The following TDRKH variants were observed in gnomAD, a reference collection of about 807,000 sequenced individuals.
TDRKH encodes tudor and KH domain containing.
A neutral mutation model predicts 61.3 loss-of-function variants in TDRKH; 28 were observed. The observed-to-expected ratio is 0.46, with a 90% CI of 0.34 to 0.63. The LOEUF (loss-of-function observed/expected upper bound fraction) is 0.63. Ranked by LOEUF, TDRKH falls within the 20% of genes least tolerant of loss-of-function variation. TDRKH has a pLI of 0.01. For missense variants in TDRKH, 540 were observed against 683.4 expected (o/e 0.79, Z 2.34); for synonymous variants, 219 against 244.4 (o/e 0.90, Z 0.97).
At chr1:151,770,718 G>C (rs1180101528), downstream of TDRKH, among the ~76,000 whole-genome samples, 1 of 152,208 alleles carries the variant, frequency 6.6e-6, no homozygotes, top group East Asian at 1.9e-4. Context: ...ATAAGTGATA[G>C]ATACTATTTC....
rs763407329 is a variant in TDRKH, at chr1:151,773,608, A to T, written c.*844T>A. On this transcript the variant is annotated 3_prime_UTR_variant, in exon 13 of 13. Coordinates refer to ENST00000368824, the MANE Select transcript of TDRKH (RefSeq NM_001083965.2). ...TGTGTATACATATAGATATTATACTAGCAATTTAGAAAATTTCCTGAGCCT... is the reference window on the plus strand; with the variant it reads ...TGTGTATACATATAGATATTATACTTGCAATTTAGAAAATTTCCTGAGCCT... The T allele has an allele frequency of 6.6e-6, 1 of 152,454 alleles. No homozygotes were observed. Among genetic ancestry groups the T allele is most frequent in the Non-Finnish European group, 1.5e-5 (1 of 68,036 alleles). The allele number at this position is 152,454 out of a possible 1,614,324, so 9.4% of individuals were successfully genotyped here.
chr1:151,781,249 G>A (rs1250791350), intron 3 of TDRKH, among the ~76,000 whole-genome samples: 12 of 149,242 alleles, frequency 8.0e-5, no homozygotes, highest in South Asian at 2.1e-4. Context: ...CCCAGGAGGC[G>A]GATGTTGCAG....
At chr1:151,778,498 T>C (rs1307911514) in intron 6 of TDRKH, 187 bp downstream of exon 6, 3 of 1,545,640 alleles carry the variant, frequency 1.9e-6, no homozygotes, top group African/African-American at 1.4e-5. Flanking sequence ...CCTCAAACTG[T>C]CCAGCAACTG....
chr1:151,774,918 C>G, intron 11 of TDRKH, 112 bp from the exon 12 acceptor site: 1 of 1,386,142 alleles, frequency 7.2e-7, no homozygotes, highest in Non-Finnish European at 1.0e-6. Context: ...ATTTGGCTAC[C>G]AAGAGGGACA....
downstream of TDRKH, chr1:151,767,159 C>A: frequency 6.2e-7 from 1 of 1,613,766 alleles, no homozygotes; most frequent in South Asian, 1.1e-5. Context: ...TCTTTCCCAA[C>A]CAGCATCACT....
chr1:151,774,781 C>T lies in TDRKH; in HGVS notation c.1562G>A (p.Ser521Asn). 6.2e-7 allele frequency: 1 copy of T among 1,614,130 alleles called. No individual in the cohort carries two copies. Among genetic ancestry groups the T allele is most frequent in the Non-Finnish European group, 8.5e-7 (1 of 1,180,002 alleles). Residue 521 changes from serine (S) to asparagine (N), a missense_variant, in exon 12 of 13, where the codon AGC (serine) becomes AAC (asparagine). Ser to Asn is a conservative substitution (Grantham distance 46). Transcript: ENST00000368824. ...DMATETDASL[S>N]TLLTETKKSS... ...CTTTTTGGTCTCAGTGAGCAACGTG[C>T]TGAGAGAGGCATCTGTTTCTGTGGC...
downstream of TDRKH, among the ~76,000 whole-genome samples, chr1:151,769,710 A>G (rs536483569): frequency 1.3e-5 from 2 of 152,230 alleles, no homozygotes; most frequent in South Asian, 4.1e-4. Flanking sequence ...GCACTTTGGG[A>G]GGCCAAGGCA....
chr1:151,766,665 CCT>C, downstream of TDRKH: 1 of 1,548,800 alleles, frequency 6.5e-7, no homozygotes, highest in Non-Finnish European at 8.7e-7. Flanking sequence ...GTTGCCTAAA[CCT>C]CTGCCACCCA....
At chr1:151,773,393 T>C (rs1268666447), downstream of TDRKH, 1 of 152,676 alleles carries the variant, frequency 6.5e-6, no homozygotes, top group South Asian at 2.1e-4. Context: ...ACTTGTTTCA[T>C]AGATGTGATC....
At chr1:151,775,291 A>G (rs1558138398) in intron 10 of TDRKH, 101 bp downstream of exon 10, 2 of 1,542,428 alleles carry the variant, frequency 1.3e-6, no homozygotes, top group South Asian at 1.2e-5. Flanking sequence ...AGGATCTTAC[A>G]GTAAGAGTAA....
downstream of TDRKH, chr1:151,766,664 A>G: frequency 1.9e-6 from 3 of 1,548,654 alleles, no homozygotes; most frequent in Non-Finnish European, 2.6e-6. Flanking sequence ...GGTTGCCTAA[A>G]CCTCTGCCAC....
Position 151,775,803 on chromosome 1 carries a change from T to C in TDRKH, c.1282+17A>G, listed in dbSNP as rs377727939. ...TCTATTTGGAGGTAAGCTCAATAGATGGCATGACCAATTTACCTGAGGGAG... is the reference window on the plus strand; with the variant it reads ...TCTATTTGGAGGTAAGCTCAATAGACGGCATGACCAATTTACCTGAGGGAG... On this transcript the variant is annotated intron_variant, in intron 9 of 12. Transcript: ENST00000368824. The C allele has an allele frequency of 4.8e-5, 78 of 1,612,338 alleles. No homozygotes were observed. In the African/African-American group the frequency reaches 8.8e-4, roughly 18 times the overall value.
chr1:151,785,604 T>G (rs958403989), intron 1 of TDRKH, among the ~76,000 whole-genome samples: 1 of 152,204 alleles, frequency 6.6e-6, no homozygotes, highest in Non-Finnish European at 1.5e-5. Context: ...GCAGGAAATA[T>G]TAATCCCATA....
chr1:151,766,626 T>C (rs1462521152), downstream of TDRKH: 16 of 1,437,218 alleles, frequency 1.1e-5, no homozygotes, highest in East Asian at 4.9e-5. Flanking sequence ...ATCCATGTCA[T>C]AGTGCCCACT....
At position 151,775,105 on chromosome 1, in the gene TDRKH, A is replaced by G. The variant is rs777913314; in HGVS notation, c.1496T>C (p.Ile499Thr). ...GTCTGGGACAGCTCTGTTTTCTTCT[A>G]TGTCTTCAGGAAGCTCAATTGCGTA... is the stretch of plus-strand genomic sequence containing the variant. Reference protein sequence around the residue: ...KGYAIELPEDIEENRAVPDML... With the variant: ...KGYAIELPEDTEENRAVPDML... The change falls in exon 11 of 13, where the codon ATA (isoleucine) becomes ACA (threonine). Residue 499 changes from isoleucine to threonine, a missense_variant. Coordinates refer to ENST00000368824, the MANE Select transcript of TDRKH (RefSeq NM_001083965.2). The G allele has an allele frequency of 6.2e-6, 10 of 1,614,128 alleles. No homozygotes were observed. Among genetic ancestry groups the G allele is most frequent in the Admixed American group, 1.7e-5 (1 of 60,024 alleles).
rs1320640410 is a variant in TDRKH, at chr1:151,782,924, T to C, written c.99A>G (p.Leu33=). The C allele has an allele frequency of 2.5e-6, 4 of 1,612,610 alleles. No homozygotes were observed. Among genetic ancestry groups the C allele is most frequent in the South Asian group, 2.2e-5 (2 of 90,762 alleles). ...IPASATVAYI[L]YRRYRESREE... ...CTCTGCTTTCCCTATACCTGCGGTA[T>C]AGGATATAGGCAACTGTTGCACTGG... The change falls in exon 2 of 13, where the codon CTA becomes CTG. Residue 33 remains leucine, a synonymous_variant. Transcript: ENST00000368824.
downstream of TDRKH, chr1:151,767,343 C>T (rs1168678036): frequency 1.4e-5 from 23 of 1,594,828 alleles, no homozygotes; most frequent in Non-Finnish European, 2.0e-5. Context: ...CAACCCTTTT[C>T]TTGCATACCT....
intron 6 of TDRKH, among the ~76,000 whole-genome samples, chr1:151,777,719 A>ATTTTTTTTTTT (rs35582886): frequency 7.7e-6 from 1 of 129,700 alleles, no homozygotes; most frequent in Non-Finnish European, 1.6e-5. Flanking sequence ...AAAATAGTTA[A>ATTTTTTTTTTT]TTTTTTTTTT....
chr1:151,766,894 T>A, downstream of TDRKH: 1 of 1,593,068 alleles, frequency 6.3e-7, no homozygotes, highest in Non-Finnish European at 8.6e-7. Context: ...AAAAGGTACT[T>A]GTTTTCATCT....
Sources: gnomAD v4.1 joint callset for allele counts (sites outside exome capture counted in the v4.1 genomes callset) on GRCh38, gnomAD v4.1.1 for gene constraint, MANE v1.5 for transcripts, NCBI Gene and HGNC (gene_info 2026-07-23, HGNC 2026-07-21) for gene names.